Variants in ZCWPW2 observed in about 807,000 individuals in gnomAD.
The protein encoded by ZCWPW2 is zinc finger CW-type PWWP domain protein 2.
Under a neutral mutation model 46.6 loss-of-function variants are expected in ZCWPW2, and 45 were observed. That is an observed-to-expected ratio of 0.96 (90% CI 0.76 to 1.24). The LOEUF is 1.24. Among genes scored for constraint, ZCWPW2 ranks in the 50% most tolerant of loss-of-function variants. The pLI is 0.00. For synonymous variants in ZCWPW2, 152 were observed against 137.1 expected (o/e 1.11, Z -0.76); for missense variants, 429 against 403.9 (o/e 1.06, Z -0.53).
chr3:28,361,918 TTGG>T (rs1164236035), intron 1 of ZCWPW2, among the ~76,000 whole-genome samples: 17 of 152,106 alleles, frequency 1.1e-4, no homozygotes, highest in African/African-American at 3.6e-4. Flanking sequence ...TTGTGCACTC[TTGG>T]TGGGAATGTA....
intron 4 of ZCWPW2, among the ~76,000 whole-genome samples, chr3:28,447,410 C>A (rs1336899215): frequency 6.6e-6 from 1 of 151,474 alleles, no homozygotes; most frequent in Admixed American, 6.6e-5. Context: ...AAATGATCAG[C>A]TTAATTAATG....
chr3:28,465,940 T>C (rs1447531145), intron 4 of ZCWPW2, among the ~76,000 whole-genome samples: 4 of 152,134 alleles, frequency 2.6e-5, no homozygotes, highest in Non-Finnish European at 5.9e-5. Context: ...TGCCCATCAT[T>C]GGTAGGCTGG....
At chr3:28,515,358 T>C (rs1330376168) in intron 7 of ZCWPW2, among the ~76,000 whole-genome samples, 196 bp from the exon 8 acceptor site, 1 of 152,184 alleles carries the variant, frequency 6.6e-6, no homozygotes, top group Non-Finnish European at 1.5e-5. Flanking sequence ...TTGCACCTAG[T>C]GAGAGCTCAA....
chr3:28,371,192 T>C (rs539558976), intron 1 of ZCWPW2, among the ~76,000 whole-genome samples: 23 of 152,346 alleles, frequency 1.5e-4, no homozygotes, highest in African/African-American at 5.0e-4. Flanking sequence ...TATGTGTTGA[T>C]GCTTATTGCT....
chr3:28,432,283 G>T (rs183269827), intron 3 of ZCWPW2, among the ~76,000 whole-genome samples: 1 of 152,266 alleles, frequency 6.6e-6, no homozygotes, highest in Admixed American at 6.5e-5. Context: ...TAAGCATTCT[G>T]TGTCTCAGAT....
intron 1 of ZCWPW2, among the ~76,000 whole-genome samples, chr3:28,382,214 A>G (rs1243297054): frequency 1.3e-5 from 2 of 151,810 alleles, no homozygotes; most frequent in East Asian, 1.9e-4. Flanking sequence ...TCTGGAAGCT[A>G]GAAGCCTGAG....
chr3:28,360,349 C>CAAAAAATA (rs1704891988), intron 1 of ZCWPW2, among the ~76,000 whole-genome samples: 1 of 53,926 alleles, frequency 1.9e-5, no homozygotes, highest in Admixed American at 2.8e-4. Flanking sequence ...ACTAAAAATA[C>CAAAAAATA]AAAAAAAAAA....
intron 1 of ZCWPW2, among the ~76,000 whole-genome samples, chr3:28,369,912 T>C (rs1170620361): frequency 6.6e-6 from 1 of 152,186 alleles, no homozygotes; most frequent in Non-Finnish European, 1.5e-5. Flanking sequence ...CAGACTGCTG[T>C]GCTAGCAATG....
In ZCWPW2 at chr3:28,413,255, A is replaced by G. The variant is rs1008287487; in HGVS notation, c.187A>G (p.Asn63Asp). The part of the protein sequence containing the change: ...DHDEPWYCFM[N>D]TDSRYNNCSI... Reference sequence around the variant, plus strand: ...TGATGAACCATGGTACTGCTTCATGAACACTGATTCAAGATATAATAACTG... The same window carrying G: ...TGATGAACCATGGTACTGCTTCATGGACACTGATTCAAGATATAATAACTG... The change falls in exon 3 of 10, where the codon AAC (asparagine) becomes GAC (aspartate). Residue 63 changes from asparagine (N) to aspartate (D), a missense_variant. Coordinates refer to ENST00000383768, the MANE Select transcript of ZCWPW2 (RefSeq NM_001040432.4). 1 of 1,613,258 alleles carries G rather than the reference A, an allele frequency of 6.2e-7. No individual in the cohort carries two copies. Among genetic ancestry groups the G allele is most frequent in the East Asian group, 2.2e-5 (1 of 44,826 alleles).
intron 1 of ZCWPW2, among the ~76,000 whole-genome samples, chr3:28,349,887 G>T (rs1704472883): frequency 6.6e-6 from 1 of 152,004 alleles, no homozygotes; most frequent in Non-Finnish European, 1.5e-5. Flanking sequence ...TCACTCAAGG[G>T]TTTATATGAA....
chr3:28,382,954 A>T (rs779572177), intron 1 of ZCWPW2, among the ~76,000 whole-genome samples: 5 of 152,158 alleles, frequency 3.3e-5, no homozygotes, highest in African/African-American at 2.4e-5. Context: ...AATCACATGG[A>T]ATTGACACTA....
chr3:28,482,021 C>T (rs956133076), intron 5 of ZCWPW2, among the ~76,000 whole-genome samples: 2 of 152,116 alleles, frequency 1.3e-5, no homozygotes, highest in African/African-American at 4.8e-5. Context: ...CCTTAGTTTA[C>T]ATTAGGGTTT....
At chr3:28,433,541 C>T (rs989690712) in intron 3 of ZCWPW2, among the ~76,000 whole-genome samples, 10 of 152,160 alleles carry the variant, frequency 6.6e-5, no homozygotes, top group South Asian at 2.1e-4. Flanking sequence ...CCAAGGCGGG[C>T]GGATCACTTG....
chr3:28,394,947 C>A (rs1166547754), intron 2 of ZCWPW2, among the ~76,000 whole-genome samples: 4 of 152,018 alleles, frequency 2.6e-5, no homozygotes, highest in Admixed American at 1.3e-4. Flanking sequence ...GCAAAGGAAA[C>A]AATCAACTGA....
rs181367206 is a variant in ZCWPW2, at chr3:28,518,031, G to A, written c.784+2410G>A. On this transcript the variant is annotated intron_variant, in intron 8 of 9. Coordinates refer to ENST00000383768, the MANE Select transcript of ZCWPW2 (RefSeq NM_001040432.4). ...CGTGCCTGTAGTCCCAGCTACTTGG[G>A]AGGCTGAGGCAGGAGAATTTCTTGA... is the stretch of plus-strand genomic sequence containing the variant. Among the ~76,000 whole-genome samples, 713 of 151,298 alleles carry A rather than the reference G, an allele frequency of 4.7e-3. 3 individuals carry two copies. Among genetic ancestry groups the A allele is most frequent in the African/African-American group, 0.016 (680 of 41,220 alleles).
In ZCWPW2 at chr3:28,396,943, A is replaced by G. The variant is rs138875836; in HGVS notation, c.-14+6326A>G. ...CAGGAGTTTGAGACCAGCCTGGCCA[A>G]CATGGCAAAACTCCGTCTCTATTAA... is the stretch of plus-strand genomic sequence containing the variant. On this transcript the variant is annotated intron_variant, in intron 2 of 9. Coordinates refer to ENST00000383768, the MANE Select transcript of ZCWPW2 (RefSeq NM_001040432.4). 2.5e-3 allele frequency among the ~76,000 whole-genome samples: 385 copies of G among 152,286 alleles called. 1 individual carries two copies. The highest frequency in any genetic ancestry group is 8.4e-3 in the African/African-American group (349 of 41,554).
chr3:28,457,456 A>G (rs963332390), intron 4 of ZCWPW2, among the ~76,000 whole-genome samples: 3 of 152,224 alleles, frequency 2.0e-5, no homozygotes, highest in Non-Finnish European at 4.4e-5. Context: ...GATATCCATT[A>G]ATATTGTGGC....
intron 6 of ZCWPW2, among the ~76,000 whole-genome samples, chr3:28,509,087 C>T (rs1238584344): frequency 6.6e-6 from 1 of 152,100 alleles, no homozygotes; most frequent in Non-Finnish European, 1.5e-5. Flanking sequence ...TATAGATTTG[C>T]CTTTTTTAGA....
intron 2 of ZCWPW2, among the ~76,000 whole-genome samples, chr3:28,406,451 G>T (rs1344998217): frequency 6.6e-6 from 1 of 152,122 alleles, no homozygotes; most frequent in African/African-American, 2.4e-5. Flanking sequence ...TGCACTTTTG[G>T]GTGAGCTTAT....
Sources: allele counts gnomAD v4.1 joint callset (sites outside exome capture counted in the v4.1 genomes callset), GRCh38; gene constraint gnomAD v4.1.1; transcripts MANE v1.5; gene names NCBI Gene and HGNC (gene_info 2026-07-23, HGNC 2026-07-21).